NXPH1: variants seen among roughly 807,000 people sequenced by gnomAD.
The protein encoded by NXPH1 is neurexophilin-1.
A neutral mutation model predicts 23.7 loss-of-function variants in NXPH1; 5 were observed. That is an observed-to-expected ratio of 0.21 (90% CI 0.11 to 0.44). The LOEUF is 0.44. Ranked by LOEUF, NXPH1 falls within the 20% of genes least tolerant of loss-of-function variation. The pLI is 0.99. For synonymous variants in NXPH1, 144 were observed against 122.2 expected (o/e 1.18, Z -1.18); for missense variants, 324 against 321.6 (o/e 1.01, Z -0.06).
chr7:8,526,355 C>T (rs183567184), intron 2 of NXPH1, among the ~76,000 whole-genome samples: 18 of 152,278 alleles, frequency 1.2e-4, no homozygotes, highest in Admixed American at 9.8e-4. Flanking sequence ...TTTACAGGCT[C>T]ATAGGCGGAA....
intron 2 of NXPH1, among the ~76,000 whole-genome samples, chr7:8,464,800 AT>A (rs1244836572): frequency 6.6e-6 from 1 of 152,196 alleles, no homozygotes; most frequent in African/African-American, 2.4e-5. Context: ...TTATCTGGAA[AT>A]GTTTTACTCT....
chr7:8,505,208 A>G (rs1817502993), intron 2 of NXPH1, among the ~76,000 whole-genome samples: 1 of 151,964 alleles, frequency 6.6e-6, no homozygotes, highest in African/African-American at 2.4e-5. Flanking sequence ...GATACTTTCT[A>G]TACGTACCCT....
At chr7:8,552,286 C>G (rs1818291174) in intron 2 of NXPH1, among the ~76,000 whole-genome samples, 3 of 151,306 alleles carry the variant, frequency 2.0e-5, no homozygotes, top group African/African-American at 7.3e-5. Flanking sequence ...TAACCGATAG[C>G]AAGCAAAAAT....
At chr7:8,678,551 A>G (rs1449601496) in intron 2 of NXPH1, among the ~76,000 whole-genome samples, 3 of 151,976 alleles carry the variant, frequency 2.0e-5, no homozygotes, top group African/African-American at 4.8e-5. Flanking sequence ...GCTGTAGTGG[A>G]TGGGCAGCTA....
At chr7:8,638,263 T>C (rs1435845006) in intron 2 of NXPH1, among the ~76,000 whole-genome samples, 1 of 152,080 alleles carries the variant, frequency 6.6e-6, no homozygotes, top group Non-Finnish European at 1.5e-5. Flanking sequence ...ATCCGACAGC[T>C]AGGAACCTGA....
chr7:8,561,091 G>C (rs776445250), intron 2 of NXPH1, among the ~76,000 whole-genome samples: 1 of 151,528 alleles, frequency 6.6e-6, no homozygotes, highest in African/African-American at 2.4e-5. Flanking sequence ...TTATAACTAC[G>C]GGAATTCTAT....
intron 2 of NXPH1, among the ~76,000 whole-genome samples, chr7:8,748,293 A>G (rs1354229801): frequency 3.9e-5 from 6 of 152,164 alleles, no homozygotes; most frequent in Admixed American, 2.0e-4. Flanking sequence ...TTGGGTACAT[A>G]GGGGAAAGGA....
intron 2 of NXPH1, among the ~76,000 whole-genome samples, chr7:8,739,190 A>C (rs1349017262): frequency 1.3e-5 from 2 of 150,302 alleles, no homozygotes; most frequent in South Asian, 2.1e-4. Flanking sequence ...AAAAAAAAAA[A>C]AAAAAAAAAA....
intron 2 of NXPH1, among the ~76,000 whole-genome samples, chr7:8,645,724 T>C (rs1021076706): frequency 1.3e-5 from 2 of 152,106 alleles, no homozygotes; most frequent in African/African-American, 4.8e-5. Flanking sequence ...TTGTTCCTTA[T>C]ATTCGAGTGA....
intron 2 of NXPH1, among the ~76,000 whole-genome samples, chr7:8,610,320 T>A (rs1819588560): frequency 6.6e-6 from 1 of 152,174 alleles, no homozygotes; most frequent in Non-Finnish European, 1.5e-5. Flanking sequence ...GAATTTGCAC[T>A]GAATTAGCTA....
At chr7:8,572,694 G>A (rs1297768274) in intron 2 of NXPH1, among the ~76,000 whole-genome samples, 1 of 151,932 alleles carries the variant, frequency 6.6e-6, no homozygotes, top group Non-Finnish European at 1.5e-5. Context: ...ATACATAATG[G>A]AAACCTCCTT....
At chr7:8,499,358 C>T (rs1001079716) in intron 2 of NXPH1, among the ~76,000 whole-genome samples, 1 of 152,016 alleles carries the variant, frequency 6.6e-6, no homozygotes, top group African/African-American at 2.4e-5. Flanking sequence ...ACAGCCAGTG[C>T]TCCAAGACTA....
chr7:8,705,091 G>A (rs1387687053), intron 2 of NXPH1, among the ~76,000 whole-genome samples: 2 of 152,120 alleles, frequency 1.3e-5, no homozygotes, highest in African/African-American at 2.4e-5. Context: ...AGTGGAGATT[G>A]TGCTTGTCCT....
At chr7:8,652,677 C>G (rs1357026999) in intron 2 of NXPH1, among the ~76,000 whole-genome samples, 4 of 152,092 alleles carry the variant, frequency 2.6e-5, no homozygotes, top group Admixed American at 2.6e-4. Context: ...GGAGAGTAGC[C>G]TTGAATTAAT....
intron 2 of NXPH1, among the ~76,000 whole-genome samples, chr7:8,585,436 A>G (rs919267958): frequency 3.3e-5 from 5 of 152,176 alleles, no homozygotes; most frequent in African/African-American, 1.2e-4. Flanking sequence ...GAGTAGCTCA[A>G]TTCTTTCAGT....
chr7:8,648,205 A>C (rs1820426693), intron 2 of NXPH1, among the ~76,000 whole-genome samples: 1 of 152,152 alleles, frequency 6.6e-6, no homozygotes, highest in South Asian at 2.1e-4. Context: ...ATGTCCAATT[A>C]AGTTATTTTT....
intron 2 of NXPH1, among the ~76,000 whole-genome samples, chr7:8,495,902 G>A (rs537841469): frequency 6.6e-6 from 1 of 152,168 alleles, no homozygotes; most frequent in African/African-American, 2.4e-5. Context: ...GGCAAAGCAT[G>A]TATTGTGTTT....
chr7:8,490,557 C>T (rs1480360582), intron 2 of NXPH1, among the ~76,000 whole-genome samples: 1 of 151,926 alleles, frequency 6.6e-6, no homozygotes, highest in Non-Finnish European at 1.5e-5. Context: ...AGTGATGATT[C>T]ATTTTTTGTG....
intron 2 of NXPH1, among the ~76,000 whole-genome samples, chr7:8,668,372 C>T (rs1481442322): frequency 6.6e-6 from 1 of 151,276 alleles, no homozygotes; most frequent in Non-Finnish European, 1.5e-5. Context: ...TACCCTTCAG[C>T]AATCAGCCCA....
Sources: allele counts gnomAD v4.1 joint callset (sites outside exome capture counted in the v4.1 genomes callset), GRCh38; gene constraint gnomAD v4.1.1; transcripts MANE v1.5; gene names NCBI Gene and HGNC (gene_info 2026-07-23, HGNC 2026-07-21).